The following DLG1 variants were observed in gnomAD, a reference collection of about 807,000 sequenced individuals.
DLG1 encodes discs large MAGUK scaffold protein 1.
In DLG1, 42 loss-of-function variants were observed where a neutral mutation model predicts 123.4. That is an observed-to-expected ratio of 0.34 (90% confidence interval 0.27 to 0.44). DLG1 has a LOEUF of 0.44. Among genes scored for constraint, DLG1 ranks in the 20% least tolerant of loss-of-function variants. The pLI, the probability that DLG1 is intolerant of heterozygous loss-of-function variation, is 1.00. For missense variants in DLG1, 942 were observed against 1,082.6 expected (o/e 0.87, Z 1.82); for synonymous variants, 317 against 356.2 (o/e 0.89, Z 1.24).
chr3:197,212,778 T>C (rs1296877988), intron 4 of DLG1, among the ~76,000 whole-genome samples: 2 of 152,198 alleles, frequency 1.3e-5, no homozygotes, highest in Non-Finnish European at 2.9e-5. Flanking sequence ...GACTCCAACA[T>C]ATCTTTTTTT....
intron 4 of DLG1, among the ~76,000 whole-genome samples, chr3:197,219,999 T>C (rs905656864): frequency 1.3e-5 from 2 of 152,340 alleles, no homozygotes; most frequent in Middle Eastern, 3.4e-3. Context: ...AACATTACTA[T>C]GTACACTGTA....
chr3:197,089,793 A>C (rs973047872), intron 15 of DLG1, among the ~76,000 whole-genome samples: 2 of 152,182 alleles, frequency 1.3e-5, no homozygotes, highest in African/African-American at 4.8e-5. Context: ...TGTATATATA[A>C]AATACTTTTA....
chr3:197,198,138 CA>C (rs1311412514), intron 4 of DLG1, among the ~76,000 whole-genome samples: 142 of 58,962 alleles, frequency 2.4e-3, no homozygotes, highest in Middle Eastern at 9.6e-3. Flanking sequence ...CAAAACAAAA[CA>C]AAACAAACAA....
At chr3:197,071,798 C>G (rs781173554) in intron 18 of DLG1, among the ~76,000 whole-genome samples, 12 of 152,080 alleles carry the variant, frequency 7.9e-5, no homozygotes, top group Non-Finnish European at 1.5e-4. Flanking sequence ...TGTCAAGCAT[C>G]GATAATGATA....
chr3:197,094,361 A>AGT (rs906640344), intron 14 of DLG1, among the ~76,000 whole-genome samples: 35 of 152,140 alleles, frequency 2.3e-4, no homozygotes, highest in African/African-American at 8.2e-4. Context: ...TGTTCTTTTA[A>AGT]GTGTGTGTGT....
At chr3:197,047,590 C>G (rs1578059531) in intron 24 of DLG1, among the ~76,000 whole-genome samples, 1 of 151,176 alleles carries the variant, frequency 6.6e-6, no homozygotes, top group Admixed American at 6.6e-5. Context: ...GAGTTGCTAC[C>G]TACTTTTTTT....
rs184100726 is a variant in DLG1, at chr3:197,100,746, G to A, written c.1546+4157C>T. On this transcript the variant is annotated intron_variant, in intron 14 of 24. Coordinates refer to ENST00000667157, the MANE Select transcript of DLG1 (RefSeq NM_001366207.1). ...AGCTGAAGATATCTGAGATTCAACA[G>A]ATGCAGGAAAAAAGCCTTCTCGGAG... 4.6e-5 allele frequency among the ~76,000 whole-genome samples: 7 copies of A among 152,194 alleles called. No individual in the cohort carries two copies. The East Asian group carries it at 1.4e-3, about 29-fold the overall frequency.
chr3:197,156,725 A>C (rs1160545568), intron 5 of DLG1, among the ~76,000 whole-genome samples: 1 of 152,234 alleles, frequency 6.6e-6, no homozygotes, highest in Non-Finnish European at 1.5e-5. Flanking sequence ...TTATACATTA[A>C]TAAAAGGTTC....
At chr3:197,265,193 C>T (rs1284691852) in intron 4 of DLG1, among the ~76,000 whole-genome samples, 1 of 152,140 alleles carries the variant, frequency 6.6e-6, no homozygotes, top group African/African-American at 2.4e-5. Flanking sequence ...GTAATATGAG[C>T]TACTTTAGAA....
At chr3:197,095,862 G>C in intron 14 of DLG1, among the ~76,000 whole-genome samples, 1 of 152,174 alleles carries the variant, frequency 6.6e-6, no homozygotes, top group Middle Eastern at 3.2e-3. Context: ...TTTGGCCAGT[G>C]AGAGTCCCTT....
At chr3:197,187,936 T>C (rs1250620187) in intron 5 of DLG1, among the ~76,000 whole-genome samples, 1 of 152,176 alleles carries the variant, frequency 6.6e-6, no homozygotes, top group Admixed American at 6.6e-5. Flanking sequence ...TCTTAAATTA[T>C]AAAATCATAA....
At position 197,201,298 on chromosome 3, in the gene DLG1, G is replaced by A. The variant is rs1725579332; in HGVS notation, c.319-6709C>T. Among the ~76,000 whole-genome samples, 2 of 152,144 alleles carry A rather than the reference G, an allele frequency of 1.3e-5. 1 individual carries two copies. The highest frequency in any genetic ancestry group is 4.1e-4 in the South Asian group (2 of 4,832). ...ACTCGGGAGGCTGAGGCAGGAGAAT[G>A]GTGTGAACCCGGGAGGCGGAGCTTG... On this transcript the variant is annotated intron_variant, in intron 4 of 24. Transcript: ENST00000667157.
chr3:197,116,129 C>A (rs761817489), intron 12 of DLG1, 46 bp from the exon 13 acceptor site: 1 of 1,509,158 alleles, frequency 6.6e-7, no homozygotes, highest in Non-Finnish European at 9.0e-7. Context: ...TTATATAAAA[C>A]CTGACATTCT....
At chr3:197,094,872 T>C (rs2149217353) in intron 14 of DLG1, among the ~76,000 whole-genome samples, 1 of 152,214 alleles carries the variant, frequency 6.6e-6, no homozygotes, top group East Asian at 1.9e-4. Flanking sequence ...GAATTTTCTT[T>C]CTTTTTCTGC....
chr3:197,080,172 G>A (rs1301557655), intron 17 of DLG1, among the ~76,000 whole-genome samples: 2 of 149,064 alleles, frequency 1.3e-5, no homozygotes, highest in African/African-American at 5.0e-5. Flanking sequence ...CTCATCTATC[G>A]ACAGCCCAAG....
Position 197,142,710 on chromosome 3 carries a change from G to C in DLG1, c.588+8C>G. The C allele has an allele frequency of 6.3e-7, 1 of 1,596,972 alleles. No individual in the cohort carries two copies. Among genetic ancestry groups the C allele is most frequent in the South Asian group, 1.1e-5 (1 of 87,854 alleles). Reference sequence around the variant, plus strand: ...TCTAGAACAACAGATTAAGATAATAGTTTTTACCCTTTCAAGTGTGATTTC... The same window carrying C: ...TCTAGAACAACAGATTAAGATAATACTTTTTACCCTTTCAAGTGTGATTTC... On this transcript the variant is annotated splice_region_variant and intron_variant, in intron 7 of 24. Transcript: ENST00000667157.
At chr3:197,239,098 G>C (rs555866526) in intron 4 of DLG1, among the ~76,000 whole-genome samples, 2 of 152,164 alleles carry the variant, frequency 1.3e-5, no homozygotes, top group South Asian at 4.2e-4. Flanking sequence ...GGAATTAAGA[G>C]AGAAAGAAGA....
At chr3:197,184,742 C>T (rs141578494) in intron 5 of DLG1, among the ~76,000 whole-genome samples, 67 of 152,196 alleles carry the variant, frequency 4.4e-4, no homozygotes, top group Middle Eastern at 6.8e-3. Context: ...AAAGAATTAA[C>T]GCTGGTAAAT....
chr3:197,246,198 T>A (rs899851347), intron 4 of DLG1, among the ~76,000 whole-genome samples: 1 of 152,198 alleles, frequency 6.6e-6, no homozygotes, highest in Non-Finnish European at 1.5e-5. Flanking sequence ...ATACCCATTA[T>A]GTTTTTTTCC....
Sources: gnomAD v4.1 joint callset for allele counts (sites outside exome capture counted in the v4.1 genomes callset) on GRCh38, gnomAD v4.1.1 for gene constraint, MANE v1.5 for transcripts, NCBI Gene and HGNC (gene_info 2026-07-23, HGNC 2026-07-21) for gene names.